The following TMEM131L variants were observed in gnomAD, a reference collection of about 807,000 sequenced individuals.
The protein encoded by TMEM131L is transmembrane 131 like.
In TMEM131L, 54 loss-of-function variants were observed where a neutral mutation model predicts 192.2. That is an observed-to-expected ratio of 0.28 (90% CI 0.23 to 0.35). TMEM131L has a LOEUF of 0.35. TMEM131L is among the 10% of genes least tolerant of loss of function. TMEM131L has a pLI of 1.00. For missense variants in TMEM131L, 1,888 were observed against 1,972.9 expected (o/e 0.96, Z 0.82); for synonymous variants, 701 against 704.9 (o/e 0.99, Z 0.09).
intron 18 of TMEM131L, 135 bp downstream of exon 18, chr4:153,592,719 C>T: frequency 1.5e-6 from 1 of 648,580 alleles, no homozygotes; most frequent in African/African-American, 1.8e-5. Flanking sequence ...GCTCATGGAC[C>T]TTGGGCATCC....
intron 13 of TMEM131L, 92 bp from the exon 14 acceptor site, chr4:153,586,117 A>G (rs1390868393): frequency 1.1e-6 from 1 of 897,426 alleles, no homozygotes; most frequent in Non-Finnish European, 1.6e-6. Flanking sequence ...TACTTTCTGA[A>G]GTATAGAAGA....
intron 26 of TMEM131L, among the ~76,000 whole-genome samples, chr4:153,616,006 G>T (rs1732949670): frequency 6.6e-6 from 1 of 151,964 alleles, no homozygotes; most frequent in Admixed American, 6.6e-5. Context: ...GAGGGCATGG[G>T]TCTTGCCGTT....
intron 7 of TMEM131L, among the ~76,000 whole-genome samples, chr4:153,569,513 T>C (rs1305672488): frequency 6.6e-6 from 1 of 152,216 alleles, no homozygotes; most frequent in Non-Finnish European, 1.5e-5. Context: ...ATCAGAGCTT[T>C]TGTGATGCGA....
intron 3 of TMEM131L, among the ~76,000 whole-genome samples, chr4:153,492,793 T>C (rs541567258): frequency 1.8e-4 from 27 of 152,134 alleles, no homozygotes; most frequent in Non-Finnish European, 3.4e-4. Flanking sequence ...CTTTTCTGGC[T>C]TTGTATAATT....
chr4:153,536,779 A>G (rs1238752991), intron 3 of TMEM131L, among the ~76,000 whole-genome samples: 2 of 149,286 alleles, frequency 1.3e-5, no homozygotes, highest in Non-Finnish European at 3.0e-5. Flanking sequence ...ATTACAAAGT[A>G]TTAAACTCAC....
At chr4:153,552,067 G>A (rs762012686) in intron 4 of TMEM131L, among the ~76,000 whole-genome samples, 2 of 151,976 alleles carry the variant, frequency 1.3e-5, no homozygotes, top group African/African-American at 4.8e-5. Context: ...AAAATTAGCC[G>A]GACATGGTGG....
intron 3 of TMEM131L, among the ~76,000 whole-genome samples, chr4:153,501,143 A>G (rs886355203): frequency 5.3e-5 from 8 of 151,968 alleles, no homozygotes; most frequent in Admixed American, 2.6e-4. Flanking sequence ...TAATGACCAT[A>G]CTGGATGCTT....
chr4:153,599,426 C>G (rs1731674523), intron 21 of TMEM131L, among the ~76,000 whole-genome samples: 2 of 152,108 alleles, frequency 1.3e-5, no homozygotes, highest in East Asian at 1.9e-4. Context: ...CACCTGTAGT[C>G]CCAGCTACTC....
In TMEM131L at chr4:153,488,003, G is replaced by GAGAC. The variant is rs144524840; in HGVS notation, c.239+14117_239+14120dup. Among the ~76,000 whole-genome samples, 265 of 145,716 alleles carry GAGAC rather than the reference G, an allele frequency of 1.8e-3. 3 individuals are homozygous for GAGAC. The highest frequency in any genetic ancestry group is 6.4e-3 in the African/African-American group (252 of 39,144). On this transcript the variant is annotated intron_variant, in intron 3 of 34. Transcript: ENST00000409959. ...GTTGTGTGTGTTTGTGTATGTATGA[G>GAGAC]AGACAAGAGAGACTCTTGTGAGCCT...
At chr4:153,576,658 A>G (rs1162478391) in intron 7 of TMEM131L, among the ~76,000 whole-genome samples, 2 of 150,548 alleles carry the variant, frequency 1.3e-5, no homozygotes, top group African/African-American at 2.5e-5. Context: ...AACATAGTTA[A>G]ATTGTTGTAG....
At chr4:153,552,150 C>T (rs915927224) in intron 4 of TMEM131L, among the ~76,000 whole-genome samples, 4 of 152,030 alleles carry the variant, frequency 2.6e-5, no homozygotes, top group African/African-American at 9.7e-5. Context: ...GCAGAGGTTG[C>T]AGTGAGCCAA....
chr4:153,567,547 C>T (rs995255743), intron 7 of TMEM131L, among the ~76,000 whole-genome samples: 5 of 139,090 alleles, frequency 3.6e-5, no homozygotes, highest in African/African-American at 1.3e-4. Context: ...TTCCCCCAGG[C>T]TTTTTTTTTT....
chr4:153,599,785 T>C (rs940510446), intron 21 of TMEM131L, among the ~76,000 whole-genome samples: 10 of 152,230 alleles, frequency 6.6e-5, no homozygotes, highest in African/African-American at 2.4e-4. Flanking sequence ...TGGCCGAGCA[T>C]GGTGGCTTAT....
intron 3 of TMEM131L, among the ~76,000 whole-genome samples, chr4:153,497,999 A>G (rs1301301806): frequency 6.6e-6 from 1 of 151,954 alleles, no homozygotes; most frequent in Non-Finnish European, 1.5e-5. Flanking sequence ...GTGTGTAAGC[A>G]TTTTGAAGTT....
intron 26 of TMEM131L, among the ~76,000 whole-genome samples, chr4:153,614,488 T>TG (rs1424252710): frequency 6.6e-6 from 1 of 151,712 alleles, no homozygotes; most frequent in African/African-American, 2.4e-5. Flanking sequence ...TCTGCAGATT[T>TG]GGGGGAGCTA....
At chr4:153,565,322 C>T (rs1378758028) in intron 7 of TMEM131L, among the ~76,000 whole-genome samples, 1 of 152,206 alleles carries the variant, frequency 6.6e-6, no homozygotes, top group Non-Finnish European at 1.5e-5. Flanking sequence ...AGCATATCTA[C>T]TAGTCATAAC....
rs28658370 is a variant in TMEM131L at position 153,540,132 on chromosome 4, A to C, written c.240-9941A>C. 3.7e-4 allele frequency among the ~76,000 whole-genome samples: 23 copies of C among 62,672 alleles called. No individual in the cohort carries two copies. The African/African-American group carries it at 4.0e-3, about 11-fold the overall frequency. 41.1% of individuals were successfully genotyped at this position (62,672 alleles called of 152,430 possible). A position where few individuals can be genotyped will look rare whatever the true frequency, so the allele number is the denominator to read the frequency against. On this transcript the variant is annotated intron_variant, in intron 3 of 34. Coordinates refer to ENST00000409959, the MANE Select transcript of TMEM131L (RefSeq NM_001131007.2). ...GTCTCAAAAATAAAAACAAAAAAAC[A>C]AAAAAAAAAACCCCAAAACAAAAAA... is the stretch of plus-strand genomic sequence containing the variant.
chr4:153,560,964 T>C (rs922108726), intron 7 of TMEM131L, among the ~76,000 whole-genome samples: 1 of 152,220 alleles, frequency 6.6e-6, no homozygotes, highest in Non-Finnish European at 1.5e-5. Flanking sequence ...ACTGTAAAAC[T>C]GTTTTCTAAA....
At chr4:153,532,485 G>A (rs114965870) in intron 3 of TMEM131L, among the ~76,000 whole-genome samples, 1,860 of 151,754 alleles carry the variant, frequency 0.012, 43 homozygotes, top group African/African-American at 0.043. Context: ...AATTCACATG[G>A]CATACAATTT....
Sources: allele counts gnomAD v4.1 joint callset (sites outside exome capture counted in the v4.1 genomes callset), GRCh38; gene constraint gnomAD v4.1.1; transcripts MANE v1.5; gene names NCBI Gene and HGNC (gene_info 2026-07-23, HGNC 2026-07-21).